Variants in STAM observed in about 807,000 individuals in gnomAD.
STAM encodes signal transducing adapter molecule 1.
In STAM, 16 loss-of-function variants were observed where a neutral mutation model predicts 63.4. The ratio of observed to expected loss-of-function variants is 0.25; its 90% CI spans 0.17 to 0.38. STAM has a LOEUF of 0.38. Among genes scored for constraint, STAM ranks in the 10% least tolerant of loss-of-function variants. STAM has a pLI of 1.00. For synonymous variants in STAM, 238 were observed against 223.9 expected, an observed-to-expected ratio of 1.06 and a Z score of -0.56; for missense variants, 636 against 657.1, an observed-to-expected ratio of 0.97 and a Z score of 0.35.
Position 17,704,995 on chromosome 10 carries a change from C to T in STAM, c.1026C>T (p.Leu342=), listed in dbSNP as rs782276274. 19 of 1,612,988 alleles carry T rather than the reference C, an allele frequency of 1.2e-5. No homozygotes were observed. In the East Asian group the frequency reaches 3.6e-4, roughly 30 times the overall value. The change falls in exon 11 of 14, where the codon CTC becomes CTT. Residue 342 remains leucine, a synonymous_variant. Coordinates refer to ENST00000377524, the MANE Select transcript of STAM (RefSeq NM_003473.4). ...LEAMCHQMGP[L]IDEKLEDIDR... is the part of the protein sequence containing the mutation. Reference sequence around the variant, plus strand: ...CAATGTGTCACCAGATGGGACCTCTCATTGATGAAAAGCTGGAAGATATTG... The same window carrying T: ...CAATGTGTCACCAGATGGGACCTCTTATTGATGAAAAGCTGGAAGATATTG...
chr10:17,651,207 A>G (rs1455099910), intron 1 of STAM, among the ~76,000 whole-genome samples: 2 of 151,050 alleles, frequency 1.3e-5, no homozygotes, highest in Admixed American at 6.6e-5. Context: ...TTTTTCTTGC[A>G]GGTGTATTTC....
At chr10:17,676,834 C>A (rs1388802413) in intron 2 of STAM, among the ~76,000 whole-genome samples, 1 of 151,948 alleles carries the variant, frequency 6.6e-6, no homozygotes, top group African/African-American at 2.4e-5. Flanking sequence ...AATCCCCAAA[C>A]CTTTTTAAAA....
At chr10:17,676,321 A>G (rs1834854241) in intron 2 of STAM, among the ~76,000 whole-genome samples, 1 of 152,138 alleles carries the variant, frequency 6.6e-6, no homozygotes, top group African/African-American at 2.4e-5. Context: ...TGTGATAGAG[A>G]GGAGCTCCAT....
intron 9 of STAM, among the ~76,000 whole-genome samples, chr10:17,702,466 G>A (rs1434083115): frequency 1.3e-5 from 2 of 152,150 alleles, no homozygotes; most frequent in Non-Finnish European, 2.9e-5. Context: ...ATATTTAAAG[G>A]AATTTTTGAC....
At chr10:17,679,847 A>G (rs1835007719) in intron 2 of STAM, among the ~76,000 whole-genome samples, 1 of 151,610 alleles carries the variant, frequency 6.6e-6, no homozygotes, top group Non-Finnish European at 1.5e-5. Context: ...GTCCATTTTA[A>G]CTAGGTTATC....
chr10:17,685,520 A>G (rs1396098925), intron 4 of STAM, among the ~76,000 whole-genome samples: 2 of 152,172 alleles, frequency 1.3e-5, no homozygotes, highest in Non-Finnish European at 1.5e-5. Flanking sequence ...TAAAGGATTT[A>G]TTAGGGGAAC....
At chr10:17,659,045 TTTAA>T (rs1834056406) in intron 1 of STAM, among the ~76,000 whole-genome samples, 1 of 152,212 alleles carries the variant, frequency 6.6e-6, no homozygotes, top group South Asian at 2.1e-4. Context: ...CTTTTGTGAT[TTTAA>T]TTAAGCAGTT....
At chr10:17,693,833 A>G (rs1480279883) in intron 6 of STAM, among the ~76,000 whole-genome samples, 1 of 152,158 alleles carries the variant, frequency 6.6e-6, no homozygotes, top group African/African-American at 2.4e-5. Flanking sequence ...ATGTGTGACT[A>G]AAAGCAATAT....
chr10:17,710,863 A>G (rs1836523426), intron 13 of STAM, among the ~76,000 whole-genome samples: 1 of 152,236 alleles, frequency 6.6e-6, no homozygotes, highest in African/African-American at 2.4e-5. Flanking sequence ...CAAAGGCTTC[A>G]CAAAGGCTTA....
intron 9 of STAM, among the ~76,000 whole-genome samples, chr10:17,703,231 C>T: frequency 6.6e-6 from 1 of 151,076 alleles, no homozygotes; most frequent in Non-Finnish European, 1.5e-5. Flanking sequence ...TTGACATGTG[C>T]TTTTGTTTTT....
At chr10:17,674,636 T>C (rs949188063) in intron 2 of STAM, among the ~76,000 whole-genome samples, 2 of 152,190 alleles carry the variant, frequency 1.3e-5, no homozygotes, top group Admixed American at 6.5e-5. Context: ...TTGTAAGTTA[T>C]GTGTCTCAGA....
chr10:17,666,837 A>G (rs183339004), intron 2 of STAM, among the ~76,000 whole-genome samples: 97 of 152,354 alleles, frequency 6.4e-4, no homozygotes, highest in African/African-American at 2.3e-3. Flanking sequence ...GGACAGCATC[A>G]GTAGAGAAAC....
intron 4 of STAM, among the ~76,000 whole-genome samples, chr10:17,686,815 T>C (rs1835313649): frequency 6.6e-6 from 1 of 152,266 alleles, no homozygotes; most frequent in African/African-American, 2.4e-5. Context: ...GAATTTTTTT[T>C]CTTCTAATAG....
At chr10:17,653,192 A>G (rs1276250561) in intron 1 of STAM, among the ~76,000 whole-genome samples, 2 of 152,202 alleles carry the variant, frequency 1.3e-5, no homozygotes, top group Non-Finnish European at 2.9e-5. Flanking sequence ...CCTATTTCAT[A>G]AATCATACCT....
At chr10:17,682,641 A>G (rs1381527916) in intron 2 of STAM, among the ~76,000 whole-genome samples, 2 of 152,102 alleles carry the variant, frequency 1.3e-5, no homozygotes, top group African/African-American at 4.8e-5. Flanking sequence ...TTTTAAATTT[A>G]TCAGTGTTTG....
At chr10:17,702,838 T>A (rs1477653709) in intron 9 of STAM, among the ~76,000 whole-genome samples, 1 of 151,748 alleles carries the variant, frequency 6.6e-6, no homozygotes, top group African/African-American at 2.4e-5. Context: ...TGAAACCCCG[T>A]CTCTACTAAA....
chr10:17,655,435 A>G (rs1343529635), intron 1 of STAM, among the ~76,000 whole-genome samples: 3 of 151,814 alleles, frequency 2.0e-5, no homozygotes, highest in Admixed American at 2.0e-4. Flanking sequence ...CCTAACCAAT[A>G]CCTATTGGTT....
At chr10:17,650,971 A>G (rs1554821469) in intron 1 of STAM, among the ~76,000 whole-genome samples, 1 of 147,480 alleles carries the variant, frequency 6.8e-6, no homozygotes, top group East Asian at 2.1e-4. Context: ...AGGCTGAGGC[A>G]GGAGAATAGC....
rs1292784606 is a variant in STAM at position 17,668,403 on chromosome 10, T to C, written c.125+7855T>C. Among the ~76,000 whole-genome samples, 4 of 152,356 alleles carry C rather than the reference T, an allele frequency of 2.6e-5. No individual in the cohort carries two copies. The South Asian group carries it at 8.3e-4, about 32-fold the overall frequency. On this transcript the variant is annotated intron_variant, in intron 2 of 13. Coordinates refer to ENST00000377524, the MANE Select transcript of STAM (RefSeq NM_003473.4). ...TATTCACATATTTCATTAGTGTATA[T>C]ATTTGTTACAAGATATGAACCAATA...
Sources: allele counts gnomAD v4.1 joint callset (sites outside exome capture counted in the v4.1 genomes callset), GRCh38; gene constraint gnomAD v4.1.1; transcripts MANE v1.5; gene names NCBI Gene and HGNC (gene_info 2026-07-23, HGNC 2026-07-21).